MDGA2: variants seen among roughly 807,000 people sequenced by gnomAD.
MDGA2 encodes the protein MAM domain containing glycosylphosphatidylinositol anchor 2, also known as MAM domain-containing glycosylphosphatidylinositol anchor protein 2.
In MDGA2, 40 loss-of-function variants were observed where a neutral mutation model predicts 117.8. The observed-to-expected ratio is 0.34, with a 90% CI of 0.26 to 0.44. The LOEUF is 0.44. Ranked by LOEUF, MDGA2 falls within the 20% of genes least tolerant of loss-of-function variation. The pLI, the probability that MDGA2 is intolerant of heterozygous loss-of-function variation, is 1.00. For synonymous variants in MDGA2, 452 were observed against 439.0 expected, an observed-to-expected ratio of 1.03 and a Z score of -0.37; for missense variants, 1,123 against 1,250.6, an observed-to-expected ratio of 0.90 and a Z score of 1.54.
At chr14:47,201,499 T>A (rs1429964655) in intron 3 of MDGA2, among the ~76,000 whole-genome samples, 4 of 152,176 alleles carry the variant, frequency 2.6e-5, no homozygotes, top group Non-Finnish European at 5.9e-5. Flanking sequence ...GACTGAAACC[T>A]TAGTGCTGTT....
intron 10 of MDGA2, among the ~76,000 whole-genome samples, chr14:46,886,825 T>C (rs1882694798): frequency 1.3e-5 from 2 of 152,016 alleles, no homozygotes; most frequent in Non-Finnish European, 2.9e-5. Context: ...TATTTTCTTT[T>C]CCTGTGTTCT....
At chr14:47,173,770 T>C (rs1884297825) in intron 3 of MDGA2, among the ~76,000 whole-genome samples, 1 of 152,112 alleles carries the variant, frequency 6.6e-6, no homozygotes, top group East Asian at 1.9e-4. Flanking sequence ...GCTAACATCA[T>C]AATGACAGGA....
chr14:47,258,952 T>C (rs898546942), intron 2 of MDGA2, among the ~76,000 whole-genome samples: 1 of 152,094 alleles, frequency 6.6e-6, no homozygotes, highest in Non-Finnish European at 1.5e-5. Flanking sequence ...TGGTTTCCCA[T>C]AACCTGTCAG....
At chr14:47,095,174 C>A (rs2138968019) in intron 6 of MDGA2, among the ~76,000 whole-genome samples, 1 of 152,078 alleles carries the variant, frequency 6.6e-6, no homozygotes, top group Admixed American at 6.6e-5. Flanking sequence ...GAGCACATTT[C>A]ATTGATTCTA....
chr14:47,340,989 G>T (rs560335274), intron 1 of MDGA2, among the ~76,000 whole-genome samples: 1 of 152,236 alleles, frequency 6.6e-6, no homozygotes, highest in South Asian at 2.1e-4. Flanking sequence ...TTGTACTGAT[G>T]ATTGGTCCCA....
At chr14:47,005,037 A>C (rs930189208) in intron 8 of MDGA2, among the ~76,000 whole-genome samples, 113 of 151,636 alleles carry the variant, frequency 7.5e-4, no homozygotes, top group African/African-American at 2.5e-3. Context: ...ATAGATGATA[A>C]GATCATCTGT....
intron 14 of MDGA2, among the ~76,000 whole-genome samples, chr14:46,866,429 C>G (rs968501107): frequency 3.3e-5 from 5 of 152,020 alleles, no homozygotes; most frequent in Non-Finnish European, 7.4e-5. Flanking sequence ...GACCTAAAAC[C>G]ATAAAAACCC....
intron 2 of MDGA2, among the ~76,000 whole-genome samples, chr14:47,252,372 T>C (rs532608041): frequency 3.9e-5 from 6 of 152,260 alleles, no homozygotes; most frequent in African/African-American, 1.4e-4. Context: ...TCTTTTCACA[T>C]AAAATATAAT....
chr14:47,285,259 C>T (rs939743096), intron 2 of MDGA2, among the ~76,000 whole-genome samples: 1 of 152,080 alleles, frequency 6.6e-6, no homozygotes, highest in African/African-American at 2.4e-5. Context: ...TTAACTATGG[C>T]TAGTTGTCAG....
At chr14:47,505,603 TAAAA>T (rs1894494394) in intron 1 of MDGA2, among the ~76,000 whole-genome samples, 1 of 152,188 alleles carries the variant, frequency 6.6e-6, no homozygotes, top group African/African-American at 2.4e-5. Flanking sequence ...TCCATTCTAG[TAAAA>T]AATACACTAT....
chr14:47,123,418 G>C (rs1881748073), intron 5 of MDGA2, among the ~76,000 whole-genome samples: 1 of 151,936 alleles, frequency 6.6e-6, no homozygotes, highest in Non-Finnish European at 1.5e-5. Context: ...TTCTGTTCAA[G>C]ATTTGCTGTC....
intron 10 of MDGA2, among the ~76,000 whole-genome samples, chr14:46,918,718 A>G (rs550628792): frequency 1.3e-5 from 2 of 151,144 alleles, no homozygotes; most frequent in Admixed American, 1.3e-4. Flanking sequence ...TTTTTTGAGA[A>G]TCTTAAACAG....
chr14:46,959,421 T>C (rs908518625), intron 8 of MDGA2, among the ~76,000 whole-genome samples: 1 of 152,034 alleles, frequency 6.6e-6, no homozygotes, highest in African/African-American at 2.4e-5. Context: ...AATATCTTTA[T>C]AAGTATTTTT....
At chr14:47,609,324 T>C (rs1426639297) in intron 1 of MDGA2, among the ~76,000 whole-genome samples, 1 of 149,378 alleles carries the variant, frequency 6.7e-6, no homozygotes, top group Non-Finnish European at 1.5e-5. Flanking sequence ...TGTTTGGTTT[T>C]CCATTCCTGA....
chr14:47,405,400 G>A (rs1892240101), intron 1 of MDGA2, among the ~76,000 whole-genome samples: 1 of 152,162 alleles, frequency 6.6e-6, no homozygotes, highest in African/African-American at 2.4e-5. Flanking sequence ...CCATGAAAAA[G>A]ATGGTTACAT....
At position 47,438,199 on chromosome 14, in the gene MDGA2, A is replaced by G. The variant is rs142620332; in HGVS notation, c.281-136649T>C. On this transcript the variant is annotated intron_variant, in intron 1 of 16. Transcript: ENST00000399232. ...GTGCATTGATTTAGCTTCCTATTAC[A>G]TTTGCAAACTTGAGGTCTAAAAATA... 4.2e-3 allele frequency among the ~76,000 whole-genome samples: 639 copies of G among 152,270 alleles called. 5 individuals carry two copies. The highest frequency in any genetic ancestry group is 0.015 in the African/African-American group (608 of 41,572).
intron 6 of MDGA2, among the ~76,000 whole-genome samples, chr14:47,077,197 C>T (rs560502418): frequency 2.0e-5 from 3 of 152,166 alleles, no homozygotes; most frequent in South Asian, 4.1e-4. Context: ...CTATCTTTTC[C>T]CCTTTCACTA....
intron 1 of MDGA2, among the ~76,000 whole-genome samples, chr14:47,651,359 C>G (rs1420846586): frequency 6.6e-6 from 1 of 151,976 alleles, no homozygotes; most frequent in African/African-American, 2.4e-5. Context: ...CACAAAGACT[C>G]TGAGGCACGA....
At chr14:47,534,822 T>C (rs192115777) in intron 1 of MDGA2, among the ~76,000 whole-genome samples, 2 of 152,232 alleles carry the variant, frequency 1.3e-5, no homozygotes, top group Non-Finnish European at 2.9e-5. Flanking sequence ...ATTTTAGAAC[T>C]ACAGTGAAAC....
Sources: gnomAD v4.1 joint callset for allele counts (sites outside exome capture counted in the v4.1 genomes callset) on GRCh38, gnomAD v4.1.1 for gene constraint, MANE v1.5 for transcripts, NCBI Gene and HGNC (gene_info 2026-07-23, HGNC 2026-07-21) for gene names.